FAM184A: variants seen among roughly 807,000 people sequenced by gnomAD.
FAM184A encodes the protein family with sequence similarity 184 member A.
In FAM184A, 99 loss-of-function variants were observed where a neutral mutation model predicts 143.8. The observed-to-expected ratio is 0.69, with a 90% confidence interval of 0.58 to 0.81. FAM184A has a LOEUF of 0.81. Ranked by LOEUF, FAM184A falls within the 40% of genes least tolerant of loss-of-function variation. The pLI is 0.00. For missense variants in FAM184A, 1,217 were observed against 1,310.5 expected (o/e 0.93, Z 1.10); for synonymous variants, 427 against 446.4 (o/e 0.96, Z 0.55).
At chr6:118,997,420 T>C (rs765523964) in intron 9 of FAM184A, among the ~76,000 whole-genome samples, 27 of 151,946 alleles carry the variant, frequency 1.8e-4, no homozygotes, top group Non-Finnish European at 3.5e-4. Context: ...CCGGGCGCAG[T>C]GGCTCACACT....
At chr6:119,027,760 T>C (rs1785708719) in intron 1 of FAM184A, among the ~76,000 whole-genome samples, 1 of 152,176 alleles carries the variant, frequency 6.6e-6, no homozygotes, top group Admixed American at 6.5e-5. Context: ...CCCCACTGAA[T>C]GGATCTGCTG....
At chr6:119,091,322 G>T (rs184342031) in intron 1 of FAM184A, among the ~76,000 whole-genome samples, 2 of 152,286 alleles carry the variant, frequency 1.3e-5, no homozygotes, top group Admixed American at 1.3e-4. Context: ...TCTCCACCTT[G>T]GTTTCTAGAC....
At chr6:119,018,172 C>T (rs187860476) in intron 4 of FAM184A, among the ~76,000 whole-genome samples, 56 of 152,134 alleles carry the variant, frequency 3.7e-4, no homozygotes, top group Middle Eastern at 6.8e-3. Flanking sequence ...AACTTGGACG[C>T]GGTGAGAAAG....
At chr6:119,008,948 C>T (rs1409849256) in intron 6 of FAM184A, among the ~76,000 whole-genome samples, 2 of 152,216 alleles carry the variant, frequency 1.3e-5, no homozygotes, top group Admixed American at 1.3e-4. Context: ...CCAACCTCAG[C>T]ATGGCATCCC....
chr6:118,961,476 CTAAAAA>C (rs1033371429), intron 17 of FAM184A, among the ~76,000 whole-genome samples: 6 of 151,594 alleles, frequency 4.0e-5, no homozygotes, highest in Admixed American at 6.6e-5. Flanking sequence ...GGTGACAATA[CTAAAAA>C]TAAAGTAATT....
chr6:119,055,225 A>G (rs1172143768), intron 1 of FAM184A, among the ~76,000 whole-genome samples: 1 of 152,194 alleles, frequency 6.6e-6, no homozygotes, highest in African/African-American at 2.4e-5. Flanking sequence ...ATATATCAGT[A>G]TTTCATTCCT....
chr6:119,089,484 G>T (rs1031522150), intron 1 of FAM184A, among the ~76,000 whole-genome samples: 1 of 151,944 alleles, frequency 6.6e-6, no homozygotes, highest in Admixed American at 6.6e-5. Flanking sequence ...TTTAATTCTT[G>T]TAGAGATGGG....
intron 14 of FAM184A, among the ~76,000 whole-genome samples, chr6:118,969,190 T>C (rs965947192): frequency 3.3e-5 from 5 of 152,194 alleles, no homozygotes; most frequent in South Asian, 2.1e-4. Flanking sequence ...TCCGCCATGA[T>C]TGTAAGTTTC....
chr6:119,143,879 G>GTA (rs1020662095), intron 1 of FAM184A, among the ~76,000 whole-genome samples: 1 of 152,154 alleles, frequency 6.6e-6, no homozygotes, highest in Non-Finnish European at 1.5e-5. Context: ...ATACTGAACT[G>GTA]TATACTTAAA....
In FAM184A at chr6:118,964,754, ATAAAACTTAT is replaced by A. The variant is rs1226916537; in HGVS notation, c.3041_3050del (p.Asn1014IlefsTer5). On this transcript the variant is annotated frameshift_variant, in exon 16 of 18. Transcript: ENST00000338891. LOFTEE classifies it high-confidence loss of function. ...TTTCTCGATTGACTAATTCCAGCTG[ATAAAACTTAT>A]TATCCTCCTATGCAAAAGAATTATA... 3 of 1,588,288 alleles carry A rather than the reference ATAAAACTTAT, an allele frequency of 1.9e-6. No individual in the cohort carries two copies. Among genetic ancestry groups the A allele is most frequent in the Non-Finnish European group, 2.6e-6 (3 of 1,158,370 alleles).
Position 119,024,743 on chromosome 6 carries a change from T to C in FAM184A, c.230A>G (p.Glu77Gly). The stretch of plus-strand genomic sequence containing the variant: ...AGCAAGAATTTGTTGAATTTCTTCT[T>C]CATGAGCATCTTTGAGGGCTTGAAT... ...SAIQALKDAH[E>G]EEIQQILAET... Residue 77 changes from glutamate to glycine, a missense_variant, in exon 2 of 18, where the codon GAA (glutamate) becomes GGA (glycine). Glu to Gly is a moderately conservative substitution (Grantham distance 98, BLOSUM62 -2). Coordinates refer to ENST00000338891, the MANE Select transcript of FAM184A (RefSeq NM_024581.6). 6.2e-7 allele frequency: 1 copy of C among 1,613,648 alleles called. No homozygotes were observed. Among genetic ancestry groups the C allele is most frequent in the Non-Finnish European group, 8.5e-7 (1 of 1,179,936 alleles).
chr6:119,003,550 C>T lies in FAM184A; in HGVS notation c.1888G>A (p.Val630Met), dbSNP rs1317593188. Residue 630 changes from valine (V) to methionine (M), a missense_variant, in exon 8 of 18, where the codon GTG becomes ATG. Transcript: ENST00000338891. ...AAMKEEEKLK[V>M]DKMAHDLEIK... ...TCTAAGTCATGGGCCATTTTGTCCA[C>T]TTTGAGCTTCTCTTCTTCTTTCATG... The T allele has an allele frequency of 6.2e-7, 1 of 1,613,164 alleles. No individual in the cohort carries two copies. The highest frequency in any genetic ancestry group is 8.5e-7 in the Non-Finnish European group (1 of 1,179,576).
At chr6:119,147,447 C>T (rs1420075463) in intron 1 of FAM184A, among the ~76,000 whole-genome samples, 1 of 152,130 alleles carries the variant, frequency 6.6e-6, no homozygotes, top group Non-Finnish European at 1.5e-5. Flanking sequence ...TCCCAACCCC[C>T]ACCACCTCTT....
intron 1 of FAM184A, among the ~76,000 whole-genome samples, chr6:119,089,585 G>A (rs772363925): frequency 2.0e-5 from 3 of 152,168 alleles, no homozygotes; most frequent in Middle Eastern, 3.2e-3. Flanking sequence ...TTACAGGTGT[G>A]AGCCACCATG....
At chr6:119,062,844 T>C (rs189399322) in intron 1 of FAM184A, among the ~76,000 whole-genome samples, 1 of 152,312 alleles carries the variant, frequency 6.6e-6, no homozygotes, top group East Asian at 1.9e-4. Flanking sequence ...TTCTGTCTTA[T>C]ACATCTGTTA....
At chr6:118,971,992 T>C (rs1023063074) in intron 14 of FAM184A, among the ~76,000 whole-genome samples, 1 of 152,128 alleles carries the variant, frequency 6.6e-6, no homozygotes, top group African/African-American at 2.4e-5. Context: ...GATTTCAAAG[T>C]TTTAAAGCCA....
intron 9 of FAM184A, 108 bp downstream of exon 9, chr6:119,002,791 C>T: frequency 1.0e-6 from 1 of 991,270 alleles, no homozygotes; most frequent in Non-Finnish European, 1.4e-6. Context: ...TTAAGTTTGT[C>T]CCATGAAAAA....
intron 1 of FAM184A, among the ~76,000 whole-genome samples, chr6:119,114,561 A>C (rs1789010645): frequency 6.6e-6 from 1 of 152,138 alleles, no homozygotes; most frequent in African/African-American, 2.4e-5. Context: ...ATTTATTTTG[A>C]GACAGGATCT....
At chr6:119,038,019 A>G (rs759034579) in intron 1 of FAM184A, among the ~76,000 whole-genome samples, 10 of 152,176 alleles carry the variant, frequency 6.6e-5, no homozygotes, top group Non-Finnish European at 1.5e-4. Context: ...GAGAGAGAGA[A>G]AAATCACTAA....
Sources: allele counts gnomAD v4.1 joint callset (sites outside exome capture counted in the v4.1 genomes callset), GRCh38; gene constraint gnomAD v4.1.1; transcripts MANE v1.5; gene names NCBI Gene and HGNC (gene_info 2026-07-23, HGNC 2026-07-21).